Variants in PEBP4 observed in about 807,000 individuals in gnomAD.
PEBP4 encodes phosphatidylethanolamine binding protein 4.
In PEBP4, 22 loss-of-function variants were observed where a neutral mutation model predicts 23.9. The observed-to-expected ratio is 0.92, with a 90% confidence interval of 0.66 to 1.31. The LOEUF is 1.31. PEBP4 is among the 40% of genes most tolerant of loss of function. The probability of loss-of-function intolerance (pLI) is 0.00; values close to 1 mark genes in which losing one functional copy is unlikely to be tolerated. For missense variants in PEBP4, 324 were observed against 281.7 expected, an observed-to-expected ratio of 1.15 and a Z score of -1.07; for synonymous variants, 112 against 99.3, an observed-to-expected ratio of 1.13 and a Z score of -0.76.
intron 4 of PEBP4, among the ~76,000 whole-genome samples, chr8:22,751,287 C>T (rs962999523): frequency 6.6e-6 from 1 of 152,110 alleles, no homozygotes; most frequent in Non-Finnish European, 1.5e-5. Flanking sequence ...TGCTGCCATG[C>T]CTGGGAGAGA....
intron 4 of PEBP4, among the ~76,000 whole-genome samples, chr8:22,754,424 C>A (rs1310816116): frequency 6.6e-6 from 1 of 152,174 alleles, no homozygotes; most frequent in Admixed American, 6.5e-5. Context: ...CTATTTAATT[C>A]CTTAATTTTT....
intron 3 of PEBP4, chr8:22,888,165 T>C (rs544911673): frequency 1.3e-5 from 2 of 151,426 alleles, no homozygotes; most frequent in Non-Finnish European, 2.9e-5. Flanking sequence ...CTTTTTTTTT[T>C]TTTTTTTTGA....
intron 3 of PEBP4, among the ~76,000 whole-genome samples, chr8:22,915,307 T>G (rs1236418569): frequency 2.0e-5 from 3 of 152,108 alleles, no homozygotes; most frequent in African/African-American, 7.2e-5. Context: ...CCAGCCAAAC[T>G]TTAAGATAAA....
chr8:22,912,726 T>C (rs1808968914), intron 3 of PEBP4, among the ~76,000 whole-genome samples: 3 of 152,192 alleles, frequency 2.0e-5, no homozygotes, highest in African/African-American at 7.2e-5. Context: ...CTGACAATCC[T>C]CACTCCCCTT....
chr8:22,910,485 G>A (rs1306575886), intron 3 of PEBP4, among the ~76,000 whole-genome samples: 1 of 152,214 alleles, frequency 6.6e-6, no homozygotes, highest in Non-Finnish European at 1.5e-5. Context: ...AACCCTGAAG[G>A]TAATACCAGG....
intron 3 of PEBP4, among the ~76,000 whole-genome samples, chr8:22,907,153 C>T (rs1047596340): frequency 6.6e-6 from 1 of 152,108 alleles, no homozygotes; most frequent in Non-Finnish European, 1.5e-5. Context: ...AAGCATGCCC[C>T]ATGCAGTCAA....
intron 1 of PEBP4, among the ~76,000 whole-genome samples, chr8:22,940,449 G>C (rs1563268704): frequency 6.7e-6 from 1 of 149,870 alleles, no homozygotes; most frequent in Non-Finnish European, 1.5e-5. Context: ...AATCACGCTA[G>C]AGTGAAAAAA....
chr8:22,722,597 T>C (rs10102175), intron 6 of PEBP4, among the ~76,000 whole-genome samples: 55,799 of 152,098 alleles, frequency 0.37, 11,090 homozygotes, highest in African/African-American at 0.52. Context: ...ACAACCTGCT[T>C]TGCATTGTTG....
chr8:22,789,708 C>G (rs1209413093), intron 4 of PEBP4, among the ~76,000 whole-genome samples: 1 of 152,190 alleles, frequency 6.6e-6, no homozygotes, highest in East Asian at 1.9e-4. Context: ...TGGCCCAGAG[C>G]TAGGCTTCAC....
At chr8:22,913,985 CTTT>C (rs1165242168) in intron 3 of PEBP4, among the ~76,000 whole-genome samples, 11 of 123,104 alleles carry the variant, frequency 8.9e-5, no homozygotes, top group Admixed American at 8.3e-5. Flanking sequence ...GGCCTGGCTA[CTTT>C]TTTTTTTTTT....
Position 22,861,093 on chromosome 8 carries a change from C to T in PEBP4, c.259-43358G>A, listed in dbSNP as rs117212420. ...AGCTTCTTGACTTCTAAGTGACTGG[C>T]CAGTTGACACAATAAGCTGGAAGTC... is the stretch of plus-strand genomic sequence containing the variant. On this transcript the variant is annotated intron_variant, in intron 3 of 6. Transcript: ENST00000256404. Among the ~76,000 whole-genome samples, 588 of 152,274 alleles carry T rather than the reference C, an allele frequency of 3.9e-3. 4 individuals carry two copies. Among genetic ancestry groups the T allele is most frequent in the South Asian group, 0.015 (74 of 4,828 alleles).
intron 3 of PEBP4, among the ~76,000 whole-genome samples, chr8:22,909,217 C>G (rs931788002): frequency 1.3e-5 from 2 of 152,170 alleles, no homozygotes; most frequent in African/African-American, 4.8e-5. Flanking sequence ...GGGCGATCTC[C>G]GCCTACCCGC....
chr8:22,844,333 G>A (rs780763846), intron 3 of PEBP4, among the ~76,000 whole-genome samples: 2 of 152,178 alleles, frequency 1.3e-5, no homozygotes, highest in African/African-American at 2.4e-5. Context: ...TCTGCCTCCC[G>A]GGTTCAAGCG....
intron 6 of PEBP4, among the ~76,000 whole-genome samples, chr8:22,717,478 C>T (rs1804438746): frequency 6.6e-6 from 1 of 151,994 alleles, no homozygotes; most frequent in Non-Finnish European, 1.5e-5. Context: ...ATGTACTTCC[C>T]TCTTAGCCTG....
intron 3 of PEBP4, among the ~76,000 whole-genome samples, chr8:22,860,852 C>A (rs556857162): frequency 6.6e-6 from 1 of 152,196 alleles, no homozygotes; most frequent in African/African-American, 2.4e-5. Flanking sequence ...GCAGGTGACT[C>A]GGTGACAGCC....
chr8:22,912,136 A>G (rs1808950999), intron 3 of PEBP4, among the ~76,000 whole-genome samples: 1 of 152,182 alleles, frequency 6.6e-6, no homozygotes. Flanking sequence ...GAGCCCTGGG[A>G]GTGAAGATTA....
At chr8:22,790,981 T>C (rs1009779660) in intron 4 of PEBP4, among the ~76,000 whole-genome samples, 12 of 152,194 alleles carry the variant, frequency 7.9e-5, no homozygotes, top group Admixed American at 2.0e-4. Flanking sequence ...TGGAACAATA[T>C]GACAGCAGTT....
intron 4 of PEBP4, among the ~76,000 whole-genome samples, chr8:22,745,111 A>C (rs954705113): frequency 6.6e-6 from 1 of 152,156 alleles, no homozygotes; most frequent in Non-Finnish European, 1.5e-5. Flanking sequence ...CCTTTGCTGG[A>C]ATTTCTCTGG....
chr8:22,846,307 T>G (rs573047230), intron 3 of PEBP4, among the ~76,000 whole-genome samples: 2 of 152,288 alleles, frequency 1.3e-5, no homozygotes, highest in African/African-American at 4.8e-5. Flanking sequence ...GGCTGGCTCC[T>G]TCCTCTCCCT....
Sources: allele counts gnomAD v4.1 joint callset (sites outside exome capture counted in the v4.1 genomes callset), GRCh38; gene constraint gnomAD v4.1.1; transcripts MANE v1.5; gene names NCBI Gene and HGNC (gene_info 2026-07-23, HGNC 2026-07-21).